The following ULK3 variants were observed in gnomAD, a reference collection of about 807,000 sequenced individuals.
ULK3 encodes unc-51 like kinase 3.
A neutral mutation model predicts 69.4 loss-of-function variants in ULK3; 54 were observed. That is an observed-to-expected ratio of 0.78 (90% confidence interval 0.63 to 0.98). ULK3 has a LOEUF of 0.98. Ranked by LOEUF, ULK3 falls within the 50% of genes least tolerant of loss-of-function variation. The pLI, the probability that ULK3 is intolerant of heterozygous loss-of-function variation, is 0.00. For missense variants in ULK3, 558 were observed against 627.7 expected (o/e 0.89, Z 1.19); for synonymous variants, 240 against 254.5 (o/e 0.94, Z 0.54).
At chr15:74,839,143 G>A (rs1349805287) in intron 8 of ULK3, 93 bp from the exon 9 acceptor site, 41 of 1,538,522 alleles carry the variant, frequency 2.7e-5, no homozygotes, top group Non-Finnish European at 3.3e-5. Flanking sequence ...AATATTCCAG[G>A]TTTACGCTCT....
In ULK3 at chr15:74,838,708, GC is replaced by G. The variant is rs1426571343; in HGVS notation, c.1036del (p.Ala346ProfsTer11). 1.2e-6 allele frequency: 2 copies of G among 1,612,236 alleles called. No individual in the cohort carries two copies. Among genetic ancestry groups the G allele is most frequent in the Non-Finnish European group, 1.7e-6 (2 of 1,179,094 alleles). On this transcript the variant is annotated frameshift_variant, in exon 10 of 16. Transcript: ENST00000440863. LOFTEE classifies it high-confidence loss of function. Reference protein sequence around the residue: ...QYVSRAEELKAIVSSSNQALL... With the variant: ...QYVSRAEELKXIVSSSNQALL... ...GGCCTGATTGGAAGAGGAGACGATG[GC>G]CTTGAGCTCCTCAGCCCGGGACACG...
chr15:74,837,828 G>C lies in ULK3; in HGVS notation c.1288-30C>G, dbSNP rs185469593. On this transcript the variant is annotated intron_variant, in intron 13 of 15. Coordinates refer to ENST00000440863, the MANE Select transcript of ULK3 (RefSeq NM_001099436.4). ...CAAGGAAAGATATGCCCTTGGGTGT[G>C]GGGGAGAGTGGCGGGGGGTGGGGTT... 2.2e-4 allele frequency: 348 copies of C among 1,573,024 alleles called. 2 individuals are homozygous for C. In the Middle Eastern group the frequency reaches 6.2e-3, roughly 28 times the overall value.
chr15:74,840,469 G>A, intron 5 of ULK3, 29 bp downstream of exon 5: 2 of 1,592,030 alleles, frequency 1.3e-6, no homozygotes, highest in Non-Finnish European at 1.7e-6. Context: ...GTAGGCCTCA[G>A]GGTGAGAAGC....
At chr15:74,840,430 G>A (rs771174518) in intron 5 of ULK3, 68 bp downstream of exon 5, 18 of 1,569,052 alleles carry the variant, frequency 1.1e-5, no homozygotes, top group Non-Finnish European at 1.4e-5. Flanking sequence ...CTTCAGAAGT[G>A]GCCCAGAGAG....
chr15:74,841,480 T>G lies in ULK3; in HGVS notation c.394A>C (p.Asn132His), dbSNP rs373962190. The G allele has an allele frequency of 6.8e-6, 11 of 1,613,712 alleles. No homozygotes were observed. The highest frequency in any genetic ancestry group is 9.3e-6 in the Non-Finnish European group (11 of 1,179,860). Residue 132 changes from asparagine to histidine, a missense_variant, in exon 4 of 16, where the codon AAT becomes CAT. Coordinates refer to ENST00000440863, the MANE Select transcript of ULK3 (RefSeq NM_001099436.4). The part of the protein sequence containing the change: ...ASALQFLHER[N>H]ISHLDLKPQN... ...GGCTTCAGATCCAGGTGAGAGATAT[T>G]CCGTTCATGCAGGAATTGCAGGGCG... is the stretch of plus-strand genomic sequence containing the variant.
intron 14 of ULK3, 97 bp downstream of exon 14, chr15:74,837,654 G>C: frequency 7.1e-7 from 1 of 1,413,346 alleles, no homozygotes; most frequent in Non-Finnish European, 9.7e-7. Flanking sequence ...GAGGAGGCGA[G>C]AGAGCAGACA....
chr15:74,841,932 T>G, intron 3 of ULK3, 143 bp downstream of exon 3: 10 of 1,372,968 alleles, frequency 7.3e-6, no homozygotes, highest in Non-Finnish European at 9.0e-6. Context: ...GTTGAGTGTA[T>G]GAGATAAACA....
chr15:74,842,874 G>T lies in ULK3; in HGVS notation c.102+130C>A. ...GGCAGTCGGCTCCAACCTCCGCCGA[G>T]GGTCAGCTGGGGCGAGGCCGGCCTC... On this transcript the variant is annotated intron_variant, in intron 1 of 15. Transcript: ENST00000440863. The surrounding 1 kb of genome is among the most constrained non-coding windows in gnomAD (Gnocchi z 4.9). 7.6e-7 allele frequency: 1 copy of T among 1,322,398 alleles called. No individual in the cohort carries two copies. 81.9% of individuals were successfully genotyped at this position (1,322,398 alleles called of 1,614,324 possible). A position where few individuals can be genotyped will look rare whatever the true frequency, so the allele number is the denominator to read the frequency against.
intron 15 of ULK3, 36 bp from the exon 16 acceptor site, chr15:74,837,280 T>C: frequency 6.2e-7 from 1 of 1,608,600 alleles, no homozygotes; most frequent in Non-Finnish European, 8.5e-7. Context: ...GGAGGGTCAG[T>C]CTCAGGTCTT....
At chr15:74,840,391 T>C in intron 5 of ULK3, 75 bp from the exon 6 acceptor site, 1 of 1,569,652 alleles carries the variant, frequency 6.4e-7, no homozygotes, top group Non-Finnish European at 8.6e-7. Context: ...GCAGGGGCCC[T>C]GGGCCAGCAG....
chr15:74,839,614 C>CA lies in ULK3; in HGVS notation c.795dup (p.Ala266CysfsTer56), dbSNP rs1374640461. ...TGCTCCAGGTCCACCCAGGGGTGCG[C>CA]AAAAAAGTCCTGGAAGGAGATGCGA... On this transcript the variant is annotated frameshift_variant, in exon 7 of 16. Coordinates refer to ENST00000440863, the MANE Select transcript of ULK3 (RefSeq NM_001099436.4). LOFTEE classifies it high-confidence loss of function. 1 of 1,563,088 alleles carries CA rather than the reference C, an allele frequency of 6.4e-7. No homozygotes were observed. Among genetic ancestry groups the CA allele is most frequent in the Non-Finnish European group, 8.7e-7 (1 of 1,154,916 alleles).
rs888216680 is a variant in ULK3 at position 74,840,782 on chromosome 15, C to G, written c.470-141G>C. The G allele has an allele frequency of 7.1e-6, 8 of 1,134,750 alleles. No individual in the cohort carries two copies. The African/African-American group carries it at 1.3e-4, about 18-fold the overall frequency. 70.3% of individuals were successfully genotyped at this position (1,134,750 alleles called of 1,614,324 possible). A position where few individuals can be genotyped will look rare whatever the true frequency, so the allele number is the denominator to read the frequency against. On this transcript the variant is annotated intron_variant, in intron 4 of 15. Transcript: ENST00000440863. ...TTCCAAGCCTCTGCTCATCATTAGG[C>G]TGGAACACCCTCCTATATCTGCCTC... is the stretch of plus-strand genomic sequence containing the variant.
intron 4 of ULK3, 122 bp downstream of exon 4, chr15:74,841,283 G>A (rs758584262): frequency 2.6e-5 from 19 of 737,908 alleles, no homozygotes; most frequent in South Asian, 1.6e-4. Context: ...CAGACTTCAC[G>A]GCCTGTCACT....
Position 74,836,899 on chromosome 15 carries a change from C to T in ULK3, c.*329G>A, listed in dbSNP as rs1245932475. On this transcript the variant is annotated 3_prime_UTR_variant, in exon 16 of 16. Coordinates refer to ENST00000440863, the MANE Select transcript of ULK3 (RefSeq NM_001099436.4). This position sits in a 1 kb window ranked among gnomAD's most constrained non-coding sequence, Gnocchi z 4.0. Reference sequence around the variant, plus strand: ...CTGCGGGGGCCCCTTGCCCTCTTCTCGGAGCCAAAAATGATAGAGGGCTGC... The same window carrying T: ...CTGCGGGGGCCCCTTGCCCTCTTCTTGGAGCCAAAAATGATAGAGGGCTGC... 2.3e-5 allele frequency: 6 copies of T among 263,338 alleles called. No homozygotes were observed. The highest frequency in any genetic ancestry group is 4.8e-5 in the Admixed American group (1 of 20,742). 16.3% of individuals were successfully genotyped at this position (263,338 alleles called of 1,614,324 possible). A position where few individuals can be genotyped will look rare whatever the true frequency, so the allele number is the denominator to read the frequency against.
rs1222423939 is a variant in ULK3 at position 74,837,333 on chromosome 15, C to G, written c.1402+36G>C. The G allele has an allele frequency of 3.1e-6, 5 of 1,613,048 alleles. No homozygotes were observed. The Admixed American group carries it at 8.4e-5, about 27-fold the overall frequency. On this transcript the variant is annotated intron_variant, in intron 15 of 15. Coordinates refer to ENST00000440863, the MANE Select transcript of ULK3 (RefSeq NM_001099436.4). ...CCCAGGGCCCCCAGCCCTCACCCCT[C>G]CTTGGATGGAGGATCGACCCCAGGG...
Position 74,842,682 on chromosome 15 carries a change from G to A in ULK3, c.103-262C>T. On this transcript the variant is annotated intron_variant, in intron 1 of 15. Transcript: ENST00000440863. This position sits in a 1 kb window ranked among gnomAD's most constrained non-coding sequence, Gnocchi z 4.9. ...GATCCATTTCTTTGCATTCTGGAGT[G>A]CTCCCGGCAGAGGCATGTCACTCAG... 1 of 1,535,020 alleles carries A rather than the reference G, an allele frequency of 6.5e-7. No individual in the cohort carries two copies. Among genetic ancestry groups the A allele is most frequent in the Non-Finnish European group, 8.7e-7 (1 of 1,146,316 alleles).
chr15:74,841,329 G>T, intron 4 of ULK3, 76 bp downstream of exon 4: 1 of 1,265,196 alleles, frequency 7.9e-7, no homozygotes. Flanking sequence ...ATAAGAACCA[G>T]GGCTGCTGAG....
At position 74,836,683 on chromosome 15, in the gene ULK3, G is replaced by T; in HGVS notation, c.*545C>A. On this transcript the variant is annotated 3_prime_UTR_variant, in exon 16 of 16. Coordinates refer to ENST00000440863, the MANE Select transcript of ULK3 (RefSeq NM_001099436.4). This position sits in a 1 kb window ranked among gnomAD's most constrained non-coding sequence, Gnocchi z 4.0. Reference sequence around the variant, plus strand: ...CCTAAAGTACCAAGATGGCGGGCAGGTGTGAGTTCCCAGAAAGACTGGTGG... The same window carrying T: ...CCTAAAGTACCAAGATGGCGGGCAGTTGTGAGTTCCCAGAAAGACTGGTGG... 6.5e-6 allele frequency: 1 copy of T among 153,084 alleles called. No individual in the cohort carries two copies. The highest frequency in any genetic ancestry group is 1.5e-5 in the Non-Finnish European group (1 of 68,562). 9.5% of individuals were successfully genotyped at this position (153,084 alleles called of 1,614,324 possible). A position where few individuals can be genotyped will look rare whatever the true frequency, so the allele number is the denominator to read the frequency against.
chr15:74,839,002 T>C lies in ULK3; in HGVS notation c.999+8A>G. 6.3e-7 allele frequency: 1 copy of C among 1,599,350 alleles called. No homozygotes were observed. Among genetic ancestry groups the C allele is most frequent in the South Asian group, 1.1e-5 (1 of 88,030 alleles). Reference sequence around the variant, plus strand: ...CCCCCCCACTTCCTCATGGGGACTCTCACCCACCTTTGCCTTAATTGCCTC... The same window carrying C: ...CCCCCCCACTTCCTCATGGGGACTCCCACCCACCTTTGCCTTAATTGCCTC... On this transcript the variant is annotated splice_region_variant and intron_variant, in intron 9 of 15. Coordinates refer to ENST00000440863, the MANE Select transcript of ULK3 (RefSeq NM_001099436.4).
Sources: gnomAD v4.1 joint callset for allele counts on GRCh38, gnomAD v4.1.1 for gene constraint, Gnocchi (gnomAD v3.1) non-coding constraint, MANE v1.5 for transcripts, NCBI Gene and HGNC (gene_info 2026-07-23, HGNC 2026-07-21) for gene names.